The following RFX2 variants were observed in gnomAD, a reference collection of about 807,000 sequenced individuals.
The protein encoded by RFX2 is DNA-binding protein RFX2.
RFX2 carries 20 observed loss-of-function variants against 87.8 expected under a neutral mutation model. That is an observed-to-expected ratio of 0.23 (90% CI 0.16 to 0.33). RFX2 has a LOEUF of 0.33. Among genes scored for constraint, RFX2 ranks in the 10% least tolerant of loss-of-function variants. The pLI is 1.00. For missense variants in RFX2, 767 were observed against 1,012.3 expected (o/e 0.76, Z 3.29); for synonymous variants, 397 against 431.3 (o/e 0.92, Z 0.98).
Position 6,002,657 on chromosome 19 carries a change from G to A in RFX2, c.1650+64C>T. ...GGTTGTGCCACGGGCTCCACTTGGT[G>A]GGTTTGCTGGTTTTGCTGGAGGGCG... On this transcript the variant is annotated intron_variant, in intron 14 of 17. Coordinates refer to ENST00000303657, the MANE Select transcript of RFX2 (RefSeq NM_000635.4). The surrounding 1 kb of genome is among the most constrained non-coding windows in gnomAD (Gnocchi z 6.7). 1.3e-6 allele frequency: 2 copies of A among 1,589,466 alleles called. No individual in the cohort carries two copies. Among genetic ancestry groups the A allele is most frequent in the Non-Finnish European group, 1.7e-6 (2 of 1,163,504 alleles).
chr19:6,000,501 C>T (rs757303979), intron 15 of RFX2, among the ~76,000 whole-genome samples: 111 of 152,172 alleles, frequency 7.3e-4, no homozygotes, highest in Non-Finnish European at 1.2e-3. Flanking sequence ...GTAATGATCC[C>T]CATGTGTTGT....
At position 5,997,347 on chromosome 19, in the gene RFX2, CGTGCAGGCCTACGCGGGG is replaced by C. The variant is rs1225278199; in HGVS notation, c.1860-152_1860-135del. On this transcript the variant is annotated intron_variant, in intron 15 of 17. Coordinates refer to ENST00000303657, the MANE Select transcript of RFX2 (RefSeq NM_000635.4). The surrounding 1 kb of genome is among the most constrained non-coding windows in gnomAD (Gnocchi z 4.2). ...ACCCAGAGGCTGAGTGATCCTAAGA[CGTGCAGGCCTACGCGGGG>C]GCTGACGGGCTGCCGAGACCCTGGG... The C allele has an allele frequency of 9.5e-7, 1 of 1,056,380 alleles. No homozygotes were observed. The highest frequency in any genetic ancestry group is 1.6e-5 in the African/African-American group (1 of 61,978). The allele number at this position is 1,056,380 out of a possible 1,614,324, so 65.4% of individuals were successfully genotyped here.
chr19:6,077,589 G>C (rs1227659665), intron 1 of RFX2, among the ~76,000 whole-genome samples: 2 of 152,226 alleles, frequency 1.3e-5, no homozygotes, highest in African/African-American at 2.4e-5. Context: ...GCTAAACAGT[G>C]CATGGCCACA....
intron 16 of RFX2, among the ~76,000 whole-genome samples, chr19:5,996,420 G>A (rs991775265): frequency 6.6e-6 from 1 of 152,254 alleles, no homozygotes; most frequent in Admixed American, 6.5e-5. Flanking sequence ...GCCGCAGCGC[G>A]GATGTCATGT....
intron 1 of RFX2, among the ~76,000 whole-genome samples, chr19:6,084,249 C>T (rs2087824514): frequency 6.6e-6 from 1 of 152,202 alleles, no homozygotes; most frequent in South Asian, 2.1e-4. Flanking sequence ...TCTGCTTTAG[C>T]AGGACAGCGT....
rs2087074455 is a variant in RFX2, at chr19:6,039,583, TC to T, written c.522+396del. On this transcript the variant is annotated intron_variant, in intron 5 of 17. Transcript: ENST00000303657. The surrounding 1 kb of genome is among the most constrained non-coding windows in gnomAD (Gnocchi z 5.2). Reference sequence around the variant, plus strand: ...ACTCGGCAGAGGCTGCAGGGAAACTTCCCCTGCTTGATTCAGTCCAGGTGTC... The same window carrying T: ...ACTCGGCAGAGGCTGCAGGGAAACTTCCCTGCTTGATTCAGTCCAGGTGTC... Among the ~76,000 whole-genome samples, 1 of 152,180 alleles carries T rather than the reference TC, an allele frequency of 6.6e-6. No homozygotes were observed. The highest frequency in any genetic ancestry group is 2.4e-5 in the African/African-American group (1 of 41,446).
chr19:5,994,285 T>A lies in RFX2; in HGVS notation c.*550A>T, dbSNP rs932741242. 6.6e-6 allele frequency: 1 copy of A among 152,410 alleles called. No homozygotes were observed. Among genetic ancestry groups the A allele is most frequent in the Non-Finnish European group, 1.5e-5 (1 of 68,242 alleles). The allele number at this position is 152,410 out of a possible 1,614,324, so 9.4% of individuals were successfully genotyped here. A position where few individuals can be genotyped will look rare whatever the true frequency, so the allele number is the denominator to read the frequency against. The stretch of plus-strand genomic sequence containing the variant: ...AGGGCGCTGCGCCCAGCTGGGTCCC[T>A]CCCACATGGTGCTACCAGACAAGGG... On this transcript the variant is annotated 3_prime_UTR_variant, in exon 18 of 18. Transcript: ENST00000303657.
rs1449248634 is a variant in RFX2, at chr19:6,040,562, C to T, written c.261-321G>A. ...ATTGCTTGAGGTCAGAAGTTTGAGACCAGCCTGGGCAACATAGAGAGAACC... is the reference window on the plus strand; with the variant it reads ...ATTGCTTGAGGTCAGAAGTTTGAGATCAGCCTGGGCAACATAGAGAGAACC... On this transcript the variant is annotated intron_variant, in intron 4 of 17. Coordinates refer to ENST00000303657, the MANE Select transcript of RFX2 (RefSeq NM_000635.4). This position sits in a 1 kb window ranked among gnomAD's most constrained non-coding sequence, Gnocchi z 6.1. Among the ~76,000 whole-genome samples, 1 of 152,086 alleles carries T rather than the reference C, an allele frequency of 6.6e-6. No homozygotes were observed. Among genetic ancestry groups the T allele is most frequent in the Non-Finnish European group, 1.5e-5 (1 of 68,014 alleles).
chr19:6,104,145 G>C (rs1264513737), intron 1 of RFX2, among the ~76,000 whole-genome samples: 1 of 152,014 alleles, frequency 6.6e-6, no homozygotes, highest in Non-Finnish European at 1.5e-5. Flanking sequence ...GCAACACCCA[G>C]CACTATGACC....
intron 1 of RFX2, among the ~76,000 whole-genome samples, chr19:6,096,651 TTAGCCAGGATGG>T: frequency 6.6e-6 from 1 of 152,348 alleles, no homozygotes; most frequent in Admixed American, 6.5e-5. Flanking sequence ...TTTCACCATG[TTAGCCAGGATGG>T]TCTCGATCTC....
intron 5 of RFX2, among the ~76,000 whole-genome samples, chr19:6,030,976 A>G (rs1363298422): frequency 6.6e-6 from 1 of 152,170 alleles, no homozygotes; most frequent in East Asian, 1.9e-4. Flanking sequence ...CACCAACCTC[A>G]TCAGAAAAGT....
At chr19:6,072,131 G>A (rs2087615321) in intron 1 of RFX2, 1 of 152,172 alleles carries the variant, frequency 6.6e-6, no homozygotes, top group Non-Finnish European at 1.5e-5. Flanking sequence ...TAAAAAAATG[G>A]AATGTTCTAA....
In RFX2 at chr19:5,996,946, G is replaced by A. The variant is rs145884385; in HGVS notation, c.2013+114C>T. ...CTTTATCGAGCTGCAGCTCTGTCCG[G>A]GCGGCAGAGCAGTGGGACCTGCGAG... On this transcript the variant is annotated intron_variant, in intron 16 of 17. Coordinates refer to ENST00000303657, the MANE Select transcript of RFX2 (RefSeq NM_000635.4). 2.6e-5 allele frequency: 29 copies of A among 1,103,372 alleles called. No homozygotes were observed. In the African/African-American group the frequency reaches 4.2e-4, roughly 16 times the overall value. The allele number at this position is 1,103,372 out of a possible 1,614,324, so 68.3% of individuals were successfully genotyped here. A position where few individuals can be genotyped will look rare whatever the true frequency, so the allele number is the denominator to read the frequency against.
At position 6,040,373 on chromosome 19, in the gene RFX2, C is replaced by A. The variant is rs117618756; in HGVS notation, c.261-132G>T. 3.3e-6 allele frequency: 3 copies of A among 912,812 alleles called. No homozygotes were observed. In the African/African-American group the frequency reaches 5.0e-5, roughly 15 times the overall value. The allele number at this position is 912,812 out of a possible 1,614,324, so 56.5% of individuals were successfully genotyped here. A position where few individuals can be genotyped will look rare whatever the true frequency, so the allele number is the denominator to read the frequency against. On this transcript the variant is annotated intron_variant, in intron 4 of 17. Transcript: ENST00000303657. The surrounding 1 kb of genome is among the most constrained non-coding windows in gnomAD (Gnocchi z 6.1). ...GGCCAGACATATGGAGCAATTCGGA[C>A]GTGGCATATGACACTCAAATGCAGC...
rs505401 is a variant in RFX2 at position 6,011,130 on chromosome 19, A to T, written c.900-879T>A. Among the ~76,000 whole-genome samples the T allele has an allele frequency of 0.25, 37,673 of 151,760 alleles. 9,063 individuals carry two copies. The highest frequency in any genetic ancestry group is 0.63 in the African/African-American group (26,138 of 41,220). On this transcript the variant is annotated intron_variant, in intron 8 of 17. Transcript: ENST00000303657. The surrounding 1 kb of genome is among the most constrained non-coding windows in gnomAD (Gnocchi z 4.8). ...AAACTCGGTCTCAAAAAAAATAAAT[A>T]AATTAATTAAAATAAAATAAAATAA... is the stretch of plus-strand genomic sequence containing the variant.
intron 1 of RFX2, among the ~76,000 whole-genome samples, chr19:6,088,242 G>A (rs1368767756): frequency 7.5e-6 from 1 of 132,854 alleles, no homozygotes; most frequent in Non-Finnish European, 1.6e-5. Context: ...TTTTTGAGAC[G>A]GAGTTTCACT....
At chr19:6,003,063 G>A (rs944540171) in intron 13 of RFX2, among the ~76,000 whole-genome samples, 193 bp from the exon 14 acceptor site, 2 of 152,142 alleles carry the variant, frequency 1.3e-5, no homozygotes, top group South Asian at 2.1e-4. Context: ...AGGAGACCTC[G>A]CCGGCACATC....
In RFX2 at chr19:6,064,840, T is replaced by C. The variant is rs779887099; in HGVS notation, c.-8-17336A>G. ...CTCCCCTCCAGTCGTGATTTGATTCTGGAATTTAAGAAGCGGAGAAAGAGC... is the reference window on the plus strand; with the variant it reads ...CTCCCCTCCAGTCGTGATTTGATTCCGGAATTTAAGAAGCGGAGAAAGAGC... On this transcript the variant is annotated intron_variant, in intron 1 of 17. Coordinates refer to ENST00000303657, the MANE Select transcript of RFX2 (RefSeq NM_000635.4). This position sits in a 1 kb window ranked among gnomAD's most constrained non-coding sequence, Gnocchi z 4.8. Among the ~76,000 whole-genome samples, 3 of 152,214 alleles carry C rather than the reference T, an allele frequency of 2.0e-5. No homozygotes were observed. The highest frequency in any genetic ancestry group is 4.4e-5 in the Non-Finnish European group (3 of 68,042).
chr19:6,034,704 A>T (rs890597182), intron 5 of RFX2, among the ~76,000 whole-genome samples: 1 of 152,152 alleles, frequency 6.6e-6, no homozygotes, highest in African/African-American at 2.4e-5. Context: ...AGGCTACAGA[A>T]GAAGAGATGT....
Sources: allele counts gnomAD v4.1 joint callset (sites outside exome capture counted in the v4.1 genomes callset), GRCh38; gene constraint gnomAD v4.1.1; non-coding constraint Gnocchi (gnomAD v3.1); transcripts MANE v1.5; gene names NCBI Gene and HGNC (gene_info 2026-07-23, HGNC 2026-07-21).